Variants in GNL1 observed in about 807,000 individuals in gnomAD.
GNL1 encodes guanine nucleotide-binding protein-like 1.
In GNL1, 21 loss-of-function variants were observed where a neutral mutation model predicts 75.2. That is an observed-to-expected ratio of 0.28 (90% confidence interval 0.20 to 0.40). GNL1 has a LOEUF of 0.40. Among genes scored for constraint, GNL1 ranks in the 10% least tolerant of loss-of-function variants. GNL1 has a pLI of 1.00. For synonymous variants in GNL1, 287 were observed against 303.4 expected (o/e 0.95, Z 0.56); for missense variants, 579 against 775.0 (o/e 0.75, Z 3.00).
At position 30,556,359 on chromosome 6, in the gene GNL1, G is replaced by C; in HGVS notation, c.-156C>G. On this transcript the variant is annotated 5_prime_UTR_variant, in exon 1 of 12. Coordinates refer to ENST00000376621, the MANE Select transcript of GNL1 (RefSeq NM_005275.5). This position sits in a 1 kb window ranked among gnomAD's most constrained non-coding sequence, Gnocchi z 5.7. ...GCGGGCCCGACAGAATTACCGCCGC[G>C]GCGGCGATGGAAGGCGGACGGGGGA... 1 of 765,858 alleles carries C rather than the reference G, an allele frequency of 1.3e-6. No individual in the cohort carries two copies. Among genetic ancestry groups the C allele is most frequent in the Admixed American group, 2.6e-5 (1 of 38,726 alleles). 47.4% of individuals were successfully genotyped at this position (765,858 alleles called of 1,614,324 possible).
chr6:30,542,262 C>T lies in GNL1; in HGVS notation c.*3810G>A, dbSNP rs1178142383. On this transcript the variant is annotated 3_prime_UTR_variant, in exon 12 of 12. Transcript: ENST00000376621. The surrounding 1 kb of genome is among the most constrained non-coding windows in gnomAD (Gnocchi z 4.5). ...GGATACTCGTTCATTTTCCCCGCCA[C>T]CACCCATCAGCAGCGTTCCACGCCG... The T allele has an allele frequency of 3.3e-5, 5 of 152,154 alleles. No individual in the cohort carries two copies. The highest frequency in any genetic ancestry group is 7.3e-5 in the African/African-American group (3 of 41,364). 9.4% of individuals were successfully genotyped at this position (152,154 alleles called of 1,614,324 possible).
In GNL1 at chr6:30,556,386, A is replaced by G. The variant is rs1402569983; in HGVS notation, c.-183T>C. 1 of 648,110 alleles carries G rather than the reference A, an allele frequency of 1.5e-6. No homozygotes were observed. Among genetic ancestry groups the G allele is most frequent in the Non-Finnish European group, 2.7e-6 (1 of 373,836 alleles). 40.1% of individuals were successfully genotyped at this position (648,110 alleles called of 1,614,324 possible). ...CGGCGATGGAAGGCGGACGGGGGAG[A>G]TATAGTCACTTCCCTCCAGGAGCGA... On this transcript the variant is annotated 5_prime_UTR_variant, in exon 1 of 12. Coordinates refer to ENST00000376621, the MANE Select transcript of GNL1 (RefSeq NM_005275.5). The surrounding 1 kb of genome is among the most constrained non-coding windows in gnomAD (Gnocchi z 5.7).
intron 8 of GNL1, among the ~76,000 whole-genome samples, chr6:30,549,583 T>C (rs967964261): frequency 3.9e-5 from 6 of 152,184 alleles, no homozygotes; most frequent in African/African-American, 7.2e-5. Flanking sequence ...GATCTTCACA[T>C]TGCCAAGCCT....
chr6:30,554,199 G>C lies in GNL1; in HGVS notation c.600+376C>G, dbSNP rs116892604. ...ACTACTACTCTAGCATTCCAGGTGG[G>C]TTCTGTAGCAACTGATGTGGCAGTG... On this transcript the variant is annotated intron_variant, in intron 5 of 11. Coordinates refer to ENST00000376621, the MANE Select transcript of GNL1 (RefSeq NM_005275.5). Among the ~76,000 whole-genome samples, 1,278 of 152,324 alleles carry C rather than the reference G, an allele frequency of 8.4e-3. 21 individuals carry two copies. The highest frequency in any genetic ancestry group is 0.057 in the South Asian group (273 of 4,826).
Position 30,552,549 on chromosome 6 carries a change from C to T in GNL1, c.1017G>A (p.Glu339=), listed in dbSNP as rs1799854503. ...GCTCCATTGCTGAATCAGTCTGCTG[C>T]TCCACCAGGACTGCTGGGCCATCCT... ...EEEDGPAVLV[E]QQTDSAMEPT... The change falls in exon 8 of 12, where the codon GAG becomes GAA. Residue 339 remains glutamate (E), a synonymous_variant. Transcript: ENST00000376621. The surrounding 1 kb of genome is among the most constrained non-coding windows in gnomAD (Gnocchi z 4.5). 6.2e-7 allele frequency: 1 copy of T among 1,614,136 alleles called. No homozygotes were observed. Among genetic ancestry groups the T allele is most frequent in the Non-Finnish European group, 8.5e-7 (1 of 1,179,966 alleles).
Position 30,545,717 on chromosome 6 carries a change from C to G in GNL1, c.*355G>C, listed in dbSNP as rs912052906. ...GGCTGCTGCTCAAATCGGAGAATGG[C>G]ACAAACTCCAAAAGGGAGCTGGATT... On this transcript the variant is annotated 3_prime_UTR_variant, in exon 12 of 12. Coordinates refer to ENST00000376621, the MANE Select transcript of GNL1 (RefSeq NM_005275.5). 7.5e-5 allele frequency: 21 copies of G among 280,048 alleles called. No individual in the cohort carries two copies. The highest frequency in any genetic ancestry group is 3.7e-4 in the African/African-American group (16 of 43,704). 17.3% of individuals were successfully genotyped at this position (280,048 alleles called of 1,614,324 possible).
Position 30,548,851 on chromosome 6 carries a change from C to T in GNL1, c.1100-1321G>A, listed in dbSNP as rs1799594774. On this transcript the variant is annotated intron_variant, in intron 8 of 11. Transcript: ENST00000376621. The surrounding 1 kb of genome is among the most constrained non-coding windows in gnomAD (Gnocchi z 4.2). Reference sequence around the variant, plus strand: ...CTTTGCAGGAAAACTCCTTAAAAGACTTACCTACTTTTTTCACCATTTCTT... The same window carrying T: ...CTTTGCAGGAAAACTCCTTAAAAGATTTACCTACTTTTTTCACCATTTCTT... Among the ~76,000 whole-genome samples, 1 of 152,184 alleles carries T rather than the reference C, an allele frequency of 6.6e-6. No homozygotes were observed. The highest frequency in any genetic ancestry group is 1.5e-5 in the Non-Finnish European group (1 of 68,040).
chr6:30,556,278 C>T lies in GNL1; in HGVS notation c.-75G>A. 1 of 1,563,192 alleles carries T rather than the reference C, an allele frequency of 6.4e-7. No homozygotes were observed. The highest frequency in any genetic ancestry group is 2.3e-5 in the East Asian group (1 of 44,098). On this transcript the variant is annotated 5_prime_UTR_variant, in exon 1 of 12. Coordinates refer to ENST00000376621, the MANE Select transcript of GNL1 (RefSeq NM_005275.5). The surrounding 1 kb of genome is among the most constrained non-coding windows in gnomAD (Gnocchi z 5.7). ...AACTGACTGCCCCCCGGGGCAGCCC[C>T]CGCCGCAGGGGCCCGGGACCCTAGA...
At position 30,555,440 on chromosome 6, in the gene GNL1, G is replaced by T; in HGVS notation, c.239+115C>A. The T allele has an allele frequency of 1.8e-6, 2 of 1,100,090 alleles. No homozygotes were observed. The highest frequency in any genetic ancestry group is 1.4e-5 in the South Asian group (1 of 69,638). 68.1% of individuals were successfully genotyped at this position (1,100,090 alleles called of 1,614,324 possible). ...GCTGTGGGGAGCCGAGTGGCTAGCGGAGAACTGTGGCATCCCAGGCCCACC... is the reference window on the plus strand; with the variant it reads ...GCTGTGGGGAGCCGAGTGGCTAGCGTAGAACTGTGGCATCCCAGGCCCACC... On this transcript the variant is annotated intron_variant, in intron 2 of 11. Coordinates refer to ENST00000376621, the MANE Select transcript of GNL1 (RefSeq NM_005275.5). The surrounding 1 kb of genome is among the most constrained non-coding windows in gnomAD (Gnocchi z 4.3).
At position 30,554,660 on chromosome 6, in the gene GNL1, A is replaced by G. The variant is rs1180160704; in HGVS notation, c.529-14T>C. ...CTGCCTCCATGTCTAAAAAGACAGGATCAGGAAGAGAAACTGAAAACAGAG... is the reference window on the plus strand; with the variant it reads ...CTGCCTCCATGTCTAAAAAGACAGGGTCAGGAAGAGAAACTGAAAACAGAG... On this transcript the variant is annotated splice_polypyrimidine_tract_variant and intron_variant, in intron 4 of 11. Transcript: ENST00000376621. 1 of 1,604,824 alleles carries G rather than the reference A, an allele frequency of 6.2e-7. No individual in the cohort carries two copies. Among genetic ancestry groups the G allele is most frequent in the South Asian group, 1.1e-5 (1 of 90,922 alleles).
At chr6:30,549,143 G>T (rs934008555) in intron 8 of GNL1, among the ~76,000 whole-genome samples, 1 of 151,988 alleles carries the variant, frequency 6.6e-6, no homozygotes, top group Non-Finnish European at 1.5e-5. Flanking sequence ...GACCACAGGC[G>T]TGCGGCTCCA....
chr6:30,552,760 T>C lies in GNL1; in HGVS notation c.905-99A>G. 1 of 1,119,728 alleles carries C rather than the reference T, an allele frequency of 8.9e-7. No homozygotes were observed. Among genetic ancestry groups the C allele is most frequent in the Non-Finnish European group, 1.3e-6 (1 of 782,050 alleles). 69.4% of individuals were successfully genotyped at this position (1,119,728 alleles called of 1,614,324 possible). The stretch of plus-strand genomic sequence containing the variant: ...CACAGATTATGTAACTGGCACCCTC[T>C]GGAGTTGTACAGTGCCAACCTAAAT... On this transcript the variant is annotated intron_variant, in intron 7 of 11. Coordinates refer to ENST00000376621, the MANE Select transcript of GNL1 (RefSeq NM_005275.5). The surrounding 1 kb of genome is among the most constrained non-coding windows in gnomAD (Gnocchi z 4.5).
In GNL1 at chr6:30,546,673, G is replaced by A. The variant is rs1242339491; in HGVS notation, c.1582+23C>T. 1.9e-6 allele frequency: 3 copies of A among 1,580,704 alleles called. No individual in the cohort carries two copies. Among genetic ancestry groups the A allele is most frequent in the Non-Finnish European group, 1.7e-6 (2 of 1,157,226 alleles). On this transcript the variant is annotated intron_variant, in intron 11 of 11. Transcript: ENST00000376621. This position sits in a 1 kb window ranked among gnomAD's most constrained non-coding sequence, Gnocchi z 5.1. The stretch of plus-strand genomic sequence containing the variant: ...TTACCTACGCTATAGCAGGGGGCTG[G>A]GGAAGAATATCTGGGCTCTGACCTT...
At chr6:30,549,825 C>CTTTT (rs535787672) in intron 8 of GNL1, among the ~76,000 whole-genome samples, 1 of 129,452 alleles carries the variant, frequency 7.7e-6, no homozygotes, top group African/African-American at 3.0e-5. Context: ...AATTCCATGG[C>CTTTT]TTTTTTTTTT....
At chr6:30,553,589 T>C (rs1334155740) in intron 5 of GNL1, 32 bp from the exon 6 acceptor site, 4 of 1,514,008 alleles carry the variant, frequency 2.6e-6, no homozygotes, top group Admixed American at 1.7e-5. Flanking sequence ...GATGGAGCAG[T>C]GAAAGTCAAC....
At position 30,555,617 on chromosome 6, in the gene GNL1, A is replaced by T; in HGVS notation, c.177T>A (p.His59Gln). ...DTSDGESVTHHIRRLNQQPSQ... is the reference protein window; with the variant it reads ...DTSDGESVTHQIRRLNQQPSQ... ...AAGGCTGCTGGTTAAGCCTGCGGAT[A>T]TGATGGGTCACAGACTCCCCGTCCG... is the stretch of plus-strand genomic sequence containing the variant. The change falls in exon 2 of 12, where the codon CAT (histidine) becomes CAA (glutamine). Residue 59 changes from histidine to glutamine, a missense_variant. Physicochemically the swap from His to Gln is conservative, Grantham distance 24. Transcript: ENST00000376621. The surrounding 1 kb of genome is among the most constrained non-coding windows in gnomAD (Gnocchi z 4.3). The T allele has an allele frequency of 6.2e-7, 1 of 1,614,044 alleles. No individual in the cohort carries two copies. Among genetic ancestry groups the T allele is most frequent in the Non-Finnish European group, 8.5e-7 (1 of 1,179,976 alleles).
chr6:30,554,595 T>C lies in GNL1; in HGVS notation c.580A>G (p.Ile194Val). 3.7e-6 allele frequency: 6 copies of C among 1,601,830 alleles called. No individual in the cohort carries two copies. Among genetic ancestry groups the C allele is most frequent in the Non-Finnish European group, 4.3e-6 (5 of 1,169,830 alleles). The part of the protein sequence containing the change: ...VLEMSDIVLL[I>V]TDIRHPVVNF... ...CTCACTGGATGTCGGATATCAGTGA[T>C]AAGCAGGACGATGTCAGACATCTCT... The change falls in exon 5 of 12, where the codon ATC (isoleucine) becomes GTC (valine). Residue 194 changes from isoleucine to valine, a missense_variant. Ile to Val is a conservative substitution (Grantham distance 29). Coordinates refer to ENST00000376621, the MANE Select transcript of GNL1 (RefSeq NM_005275.5).
In GNL1 at chr6:30,555,824, G is replaced by A; in HGVS notation, c.74-104C>T. On this transcript the variant is annotated intron_variant, in intron 1 of 11. Coordinates refer to ENST00000376621, the MANE Select transcript of GNL1 (RefSeq NM_005275.5). The surrounding 1 kb of genome is among the most constrained non-coding windows in gnomAD (Gnocchi z 4.3). ...CCTTTCATCCCACTCAACTTCTTCC[G>A]ATGTTCAGTCCTCCCAGACACCCTA... 8.2e-7 allele frequency: 1 copy of A among 1,222,442 alleles called. No individual in the cohort carries two copies. The highest frequency in any genetic ancestry group is 1.2e-6 in the Non-Finnish European group (1 of 861,838). The allele number at this position is 1,222,442 out of a possible 1,614,324, so 75.7% of individuals were successfully genotyped here. A position where few individuals can be genotyped will look rare whatever the true frequency, so the allele number is the denominator to read the frequency against.
intron 5 of GNL1, among the ~76,000 whole-genome samples, chr6:30,554,274 G>A (rs1799992214): frequency 6.6e-6 from 1 of 152,170 alleles, no homozygotes; most frequent in Admixed American, 6.5e-5. Flanking sequence ...TGGGCAGGAG[G>A]AAGTCCCCAG....
Sources: allele counts gnomAD v4.1 joint callset (sites outside exome capture counted in the v4.1 genomes callset), GRCh38; gene constraint gnomAD v4.1.1; non-coding constraint Gnocchi (gnomAD v3.1); transcripts MANE v1.5; gene names NCBI Gene and HGNC (gene_info 2026-07-23, HGNC 2026-07-21).